NXN: variants seen among roughly 807,000 people sequenced by gnomAD.
The protein encoded by NXN is nucleoredoxin.
A neutral mutation model predicts 48.6 loss-of-function variants in NXN; 16 were observed. That is an observed-to-expected ratio of 0.33 (90% CI 0.22 to 0.50). The LOEUF (loss-of-function observed/expected upper bound fraction) is 0.50. Among genes scored for constraint, NXN ranks in the 20% least tolerant of loss-of-function variants. NXN has a pLI of 0.98. For synonymous variants in NXN, 281 were observed against 269.6 expected, an observed-to-expected ratio of 1.04 and a Z score of -0.41; for missense variants, 492 against 605.5, an observed-to-expected ratio of 0.81 and a Z score of 1.97.
intron 1 of NXN, among the ~76,000 whole-genome samples, chr17:971,162 T>C (rs1318849773): frequency 6.6e-6 from 1 of 151,942 alleles, no homozygotes; most frequent in Non-Finnish European, 1.5e-5. Context: ...GTCAGGTTGG[T>C]CTAGAACTCC....
At chr17:845,849 G>A (rs778788494) in intron 1 of NXN, among the ~76,000 whole-genome samples, 62 of 152,328 alleles carry the variant, frequency 4.1e-4, no homozygotes, top group Admixed American at 1.3e-3. Context: ...GAGGCCAGGC[G>A]GTCAGGAATT....
chr17:868,514 C>T (rs957139311), intron 1 of NXN, among the ~76,000 whole-genome samples: 7 of 151,758 alleles, frequency 4.6e-5, no homozygotes, highest in South Asian at 2.1e-4. Flanking sequence ...GTTTTTGAGA[C>T]GGAGTCTCGC....
intron 4 of NXN, among the ~76,000 whole-genome samples, 176 bp downstream of exon 4, chr17:822,181 A>G (rs566016133): frequency 2.0e-5 from 3 of 152,180 alleles, no homozygotes; most frequent in Non-Finnish European, 4.4e-5. Context: ...CAGGAGGCTA[A>G]GGCAGGAGAA....
At chr17:884,247 T>TAAATAAATAAATAAATA (rs112696538) in intron 1 of NXN, among the ~76,000 whole-genome samples, 27 of 149,366 alleles carry the variant, frequency 1.8e-4, no homozygotes, top group South Asian at 6.4e-4. Flanking sequence ...AATAAATAAA[T>TAAATAAATAAATAAATA]AATAAAACGA....
At chr17:964,862 TGCCACACTTAATTA>T (rs2069283461) in intron 1 of NXN, among the ~76,000 whole-genome samples, 1 of 152,354 alleles carries the variant, frequency 6.6e-6, no homozygotes, top group South Asian at 2.1e-4. Context: ...TGAAACAAAA[TGCCACACTTAATTA>T]GCCAGCGGGC....
Position 958,276 on chromosome 17 carries a change from G to T in NXN, c.360+21043C>A, listed in dbSNP as rs555332735. Among the ~76,000 whole-genome samples the T allele has an allele frequency of 6.6e-6, 1 of 152,144 alleles. No individual in the cohort carries two copies. Among genetic ancestry groups the T allele is most frequent in the Non-Finnish European group, 1.5e-5 (1 of 68,038 alleles). ...GTGCCTCTGCCCAACAAGACATGACGGTGAGCAAGGTTACTCATCTTCCGA... is the reference window on the plus strand; with the variant it reads ...GTGCCTCTGCCCAACAAGACATGACTGTGAGCAAGGTTACTCATCTTCCGA... On this transcript the variant is annotated intron_variant, in intron 1 of 7. Transcript: ENST00000336868. The surrounding 1 kb of genome is among the most constrained non-coding windows in gnomAD (Gnocchi z 6.9).
intron 1 of NXN, among the ~76,000 whole-genome samples, chr17:880,716 G>C (rs1250569843): frequency 6.6e-6 from 1 of 152,100 alleles, no homozygotes; most frequent in Non-Finnish European, 1.5e-5. Flanking sequence ...AGAAGCAGAG[G>C]GGCTGGCCTT....
chr17:864,514 G>T (rs777554280), intron 1 of NXN, among the ~76,000 whole-genome samples: 1 of 152,158 alleles, frequency 6.6e-6, no homozygotes, highest in Non-Finnish European at 1.5e-5. Context: ...CCGTTCAAAC[G>T]GCTGCCCTGG....
chr17:965,548 T>G (rs1349747647), intron 1 of NXN, among the ~76,000 whole-genome samples: 2 of 152,154 alleles, frequency 1.3e-5, no homozygotes, highest in African/African-American at 4.8e-5. Flanking sequence ...GGCTGAATCA[T>G]AATCCAATCA....
chr17:951,105 G>A (rs1050593674), intron 1 of NXN, among the ~76,000 whole-genome samples: 2 of 150,088 alleles, frequency 1.3e-5, no homozygotes, highest in East Asian at 3.9e-4. Context: ...GGGAGGCCGA[G>A]GCTGGCAGAT....
At chr17:860,087 A>T (rs897233663) in intron 1 of NXN, among the ~76,000 whole-genome samples, 4 of 152,040 alleles carry the variant, frequency 2.6e-5, no homozygotes, top group Non-Finnish European at 5.9e-5. Flanking sequence ...CTCTTTGTAT[A>T]TTATGTTATA....
At chr17:831,461 A>G (rs1913467477) in intron 1 of NXN, among the ~76,000 whole-genome samples, 1 of 68,224 alleles carries the variant, frequency 1.5e-5, no homozygotes, top group African/African-American at 9.7e-5. Context: ...TTATTCATTT[A>G]TTTATTTATT....
chr17:858,121 C>G (rs893110418), intron 1 of NXN, among the ~76,000 whole-genome samples: 4 of 152,010 alleles, frequency 2.6e-5, no homozygotes, highest in African/African-American at 9.7e-5. Context: ...AGGTATGCAC[C>G]ACCACACCTG....
intron 1 of NXN, among the ~76,000 whole-genome samples, chr17:960,052 A>T (rs1231093257): frequency 6.6e-6 from 1 of 152,080 alleles, no homozygotes; most frequent in East Asian, 1.9e-4. Flanking sequence ...AGATTGCACC[A>T]CTGCACTCCA....
intron 1 of NXN, among the ~76,000 whole-genome samples, chr17:926,670 C>T (rs1190267995): frequency 6.6e-6 from 1 of 151,866 alleles, no homozygotes; most frequent in Non-Finnish European, 1.5e-5. Flanking sequence ...TTCAGCGTTC[C>T]GAGTAGCTCA....
chr17:973,640 T>C (rs1437199939), intron 1 of NXN, among the ~76,000 whole-genome samples: 5 of 152,170 alleles, frequency 3.3e-5, no homozygotes, highest in African/African-American at 9.7e-5. Flanking sequence ...CTTCTAGGTC[T>C]TTCTTCGCAG....
At chr17:884,035 G>A (rs2068314779) in intron 1 of NXN, among the ~76,000 whole-genome samples, 1 of 152,040 alleles carries the variant, frequency 6.6e-6, no homozygotes, top group African/African-American at 2.4e-5. Context: ...TGGCTAACAT[G>A]GTGAAACCCT....
intron 1 of NXN, among the ~76,000 whole-genome samples, chr17:936,591 AG>A (rs2068910345): frequency 6.6e-6 from 1 of 151,282 alleles, no homozygotes; most frequent in Admixed American, 6.6e-5. Context: ...GAGAAGGGCG[AG>A]GTGTGTCGGC....
At chr17:979,251 C>CGTGGGGGGCGGGCAGGGGTAACGGGT in intron 1 of NXN, 68 bp downstream of exon 1, 2 of 764,750 alleles carry the variant, frequency 2.6e-6, no homozygotes, top group Non-Finnish European at 3.0e-6. Flanking sequence ...GGGTAACGGG[C>CGTGGGGGGCGGGCAGGGGTAACGGGT]GTGGGGGGCG....
Sources: allele counts gnomAD v4.1 joint callset (sites outside exome capture counted in the v4.1 genomes callset), GRCh38; gene constraint gnomAD v4.1.1; non-coding constraint Gnocchi (gnomAD v3.1); transcripts MANE v1.5; gene names NCBI Gene and HGNC (gene_info 2026-07-23, HGNC 2026-07-21).